GRIK2: variants seen among roughly 807,000 people sequenced by gnomAD.
GRIK2 encodes the protein glutamate receptor ionotropic, kainate 2.
A neutral mutation model predicts 100.3 loss-of-function variants in GRIK2; 32 were observed. That is an observed-to-expected ratio of 0.32 (90% CI 0.24 to 0.43). The LOEUF (loss-of-function observed/expected upper bound fraction) is 0.43, where lower values mean the gene tolerates loss of function less well. GRIK2 is among the 20% of genes least tolerant of loss of function. GRIK2 has a pLI of 1.00. For synonymous variants in GRIK2, 417 were observed against 389.4 expected, an observed-to-expected ratio of 1.07 and a Z score of -0.83; for missense variants, 843 against 1,114.9, an observed-to-expected ratio of 0.76 and a Z score of 3.47.
At chr6:101,647,080 A>G (rs1251150376) in intron 4 of GRIK2, among the ~76,000 whole-genome samples, 1 of 152,014 alleles carries the variant, frequency 6.6e-6, no homozygotes, top group Non-Finnish European at 1.5e-5. Flanking sequence ...TCTGAGTCTT[A>G]AAGATGTTAT....
Position 101,821,767 on chromosome 6 carries a change from T to G in GRIK2, c.1317+3284T>G, listed in dbSNP as rs575171830. Among the ~76,000 whole-genome samples, 91 of 152,234 alleles carry G rather than the reference T, an allele frequency of 6.0e-4. No homozygotes were observed. The South Asian group carries it at 0.018, about 31-fold the overall frequency. ...TTATGTAAGCTTATTTTTGATGTAATTTACTGGTATTCTATTTGTATTTTT... is the reference window on the plus strand; with the variant it reads ...TTATGTAAGCTTATTTTTGATGTAAGTTACTGGTATTCTATTTGTATTTTT... On this transcript the variant is annotated intron_variant, in intron 10 of 16. Coordinates refer to ENST00000369134, the MANE Select transcript of GRIK2 (RefSeq NM_021956.5).
chr6:101,466,517 A>G (rs2128254183), intron 2 of GRIK2, among the ~76,000 whole-genome samples: 1 of 152,064 alleles, frequency 6.6e-6, no homozygotes, highest in East Asian at 1.9e-4. Flanking sequence ...CTATTTTTGC[A>G]TTAGTGAAAA....
chr6:101,756,286 G>C (rs1777130249), intron 7 of GRIK2, among the ~76,000 whole-genome samples: 1 of 131,830 alleles, frequency 7.6e-6, no homozygotes, highest in African/African-American at 3.1e-5. Context: ...AAGAACCAAG[G>C]GAGAAAGAAC....
intron 10 of GRIK2, among the ~76,000 whole-genome samples, chr6:101,855,965 G>A (rs958094454): frequency 2.6e-5 from 4 of 152,128 alleles, no homozygotes; most frequent in African/African-American, 4.8e-5. Flanking sequence ...GGGAGAATTT[G>A]CAGGATTTAC....
intron 10 of GRIK2, among the ~76,000 whole-genome samples, chr6:101,854,815 A>G (rs1001011520): frequency 6.6e-6 from 1 of 152,160 alleles, no homozygotes; most frequent in African/African-American, 2.4e-5. Flanking sequence ...AAGATATTAT[A>G]ATGAGTTCAT....
intron 2 of GRIK2, among the ~76,000 whole-genome samples, chr6:101,555,792 G>A (rs996810161): frequency 1.3e-5 from 2 of 151,906 alleles, no homozygotes; most frequent in African/African-American, 4.8e-5. Flanking sequence ...TTTTTTATCT[G>A]TTTCTATTGA....
intron 2 of GRIK2, among the ~76,000 whole-genome samples, chr6:101,459,604 A>G (rs1421206860): frequency 6.6e-6 from 1 of 152,024 alleles, no homozygotes; most frequent in African/African-American, 2.4e-5. Context: ...ATGAACAAAG[A>G]AAAAAAACCC....
At chr6:101,491,258 G>T (rs1317560161) in intron 2 of GRIK2, among the ~76,000 whole-genome samples, 1 of 129,584 alleles carries the variant, frequency 7.7e-6, no homozygotes, top group East Asian at 2.3e-4. Context: ...CTTGTTTCTG[G>T]ATTAGGAGAA....
At chr6:101,466,113 G>A (rs1443632313) in intron 2 of GRIK2, among the ~76,000 whole-genome samples, 1 of 152,026 alleles carries the variant, frequency 6.6e-6, no homozygotes, top group African/African-American at 2.4e-5. Flanking sequence ...ATTTCCTTCT[G>A]TCATTGCCAG....
chr6:101,910,653 T>G (rs1244886708), intron 12 of GRIK2, among the ~76,000 whole-genome samples: 1 of 151,516 alleles, frequency 6.6e-6, no homozygotes, highest in South Asian at 2.1e-4. Flanking sequence ...TTCAGGTGTA[T>G]TCTCTGTTTT....
intron 14 of GRIK2, among the ~76,000 whole-genome samples, chr6:102,005,139 G>A (rs1795143780): frequency 6.6e-6 from 1 of 150,850 alleles, no homozygotes; most frequent in South Asian, 2.1e-4. Context: ...CATATGTGCA[G>A]TATATATATT....
chr6:101,756,407 C>T (rs868080727), intron 7 of GRIK2, among the ~76,000 whole-genome samples: 1 of 148,888 alleles, frequency 6.7e-6, no homozygotes, highest in Non-Finnish European at 1.5e-5. Flanking sequence ...TAAATGGTTA[C>T]ATTTATAATC....
chr6:101,808,248 G>C (rs911518797), intron 9 of GRIK2, among the ~76,000 whole-genome samples: 1 of 152,026 alleles, frequency 6.6e-6, no homozygotes, highest in African/African-American at 2.4e-5. Context: ...CACAAAATGG[G>C]TTTAGACTGA....
chr6:101,794,956 C>T (rs1395558862), intron 7 of GRIK2, among the ~76,000 whole-genome samples: 1 of 151,486 alleles, frequency 6.6e-6, no homozygotes, highest in Non-Finnish European at 1.5e-5. Flanking sequence ...ACTTCTGCCT[C>T]CCGGGTTCAA....
intron 3 of GRIK2, among the ~76,000 whole-genome samples, chr6:101,625,782 G>C (rs1562268883): frequency 6.6e-6 from 1 of 152,150 alleles, no homozygotes; most frequent in Non-Finnish European, 1.5e-5. Context: ...AATATATAAA[G>C]ATGACTGAGT....
intron 2 of GRIK2, among the ~76,000 whole-genome samples, chr6:101,497,591 C>G (rs1001619287): frequency 1.3e-5 from 2 of 151,956 alleles, no homozygotes; most frequent in African/African-American, 4.8e-5. Context: ...AATGCTGAAC[C>G]TACTATACAT....
chr6:101,621,349 A>C (rs62421384), intron 2 of GRIK2, among the ~76,000 whole-genome samples: 2 of 151,954 alleles, frequency 1.3e-5, no homozygotes, highest in Non-Finnish European at 2.9e-5. Flanking sequence ...ACTACTGGGG[A>C]GGCTGAGGTG....
At chr6:101,930,443 T>A (rs116673853) in intron 14 of GRIK2, among the ~76,000 whole-genome samples, 1,719 of 152,218 alleles carry the variant, frequency 0.011, 35 homozygotes, top group African/African-American at 0.039. Context: ...GCGTGATGCA[T>A]TTAATTTATT....
intron 14 of GRIK2, 84 bp from the exon 15 acceptor site, chr6:102,035,257 A>G: frequency 1.7e-6 from 1 of 602,466 alleles, no homozygotes; most frequent in Non-Finnish European, 3.0e-6. Context: ...AAGTAAATGT[A>G]GTTCATTGTG....
Sources: gnomAD v4.1 joint callset for allele counts (sites outside exome capture counted in the v4.1 genomes callset) on GRCh38, gnomAD v4.1.1 for gene constraint, MANE v1.5 for transcripts, NCBI Gene and HGNC (gene_info 2026-07-23, HGNC 2026-07-21) for gene names.